The following RANBP17 variants were observed in gnomAD, a reference collection of about 807,000 sequenced individuals.
The protein encoded by RANBP17 is RAN binding protein 17.
Under a neutral mutation model 141.2 loss-of-function variants are expected in RANBP17, and 158 were observed. The ratio of observed to expected loss-of-function variants is 1.12; its 90% CI spans 0.98 to 1.28. The LOEUF (loss-of-function observed/expected upper bound fraction) is 1.28, where lower values mean the gene tolerates loss of function less well. Ranked by LOEUF, RANBP17 falls within the 50% of genes most tolerant of loss-of-function variation. The pLI is 0.00. For missense variants in RANBP17, 1,438 were observed against 1,290.7 expected, an observed-to-expected ratio of 1.11 and a Z score of -1.75; for synonymous variants, 430 against 450.0, an observed-to-expected ratio of 0.96 and a Z score of 0.56.
intron 1 of RANBP17, among the ~76,000 whole-genome samples, chr5:170,874,916 A>T (rs1352994551): frequency 6.6e-6 from 1 of 152,064 alleles, no homozygotes; most frequent in Non-Finnish European, 1.5e-5. Context: ...CAGCTTCTTC[A>T]TGGTGTCCTT....
At chr5:170,874,249 C>T (rs572259397) in intron 1 of RANBP17, among the ~76,000 whole-genome samples, 63 of 152,256 alleles carry the variant, frequency 4.1e-4, no homozygotes, top group African/African-American at 1.5e-3. Context: ...TGCTTTACTT[C>T]CAGTTATGTG....
chr5:170,965,962 G>A (rs1167431016), intron 13 of RANBP17, among the ~76,000 whole-genome samples: 2 of 152,084 alleles, frequency 1.3e-5, no homozygotes, highest in Non-Finnish European at 2.9e-5. Context: ...TGATGGGGAT[G>A]GCATTGAATC....
intron 9 of RANBP17, among the ~76,000 whole-genome samples, 164 bp downstream of exon 9, chr5:170,916,748 C>G (rs1170355238): frequency 1.4e-5 from 2 of 143,536 alleles, no homozygotes; most frequent in Non-Finnish European, 3.0e-5. Context: ...TCAAGTCTTG[C>G]TCTGTTGCCC....
chr5:171,213,470 G>A (rs1373611636), intron 20 of RANBP17, among the ~76,000 whole-genome samples, 161 bp from the exon 21 acceptor site: 4 of 152,134 alleles, frequency 2.6e-5, no homozygotes, highest in South Asian at 2.1e-4. Flanking sequence ...GTTAGGGAGC[G>A]CAATTTATAA....
At chr5:171,159,657 C>A (rs1223496740) in intron 14 of RANBP17, among the ~76,000 whole-genome samples, 1 of 152,126 alleles carries the variant, frequency 6.6e-6, no homozygotes, top group East Asian at 1.9e-4. Context: ...CACAGTGGCT[C>A]ACGCCTATAA....
At chr5:171,123,583 T>C (rs1756204184) in intron 14 of RANBP17, among the ~76,000 whole-genome samples, 1 of 152,254 alleles carries the variant, frequency 6.6e-6, no homozygotes, top group Non-Finnish European at 1.5e-5. Flanking sequence ...AGGACTGGCC[T>C]GTCAGTACCT....
At chr5:170,936,260 C>A (rs141964301) in intron 12 of RANBP17, among the ~76,000 whole-genome samples, 1 of 152,052 alleles carries the variant, frequency 6.6e-6, no homozygotes, top group Admixed American at 6.5e-5. Flanking sequence ...GGCAATGCCC[C>A]GCCGTGCTAG....
In RANBP17 at chr5:171,008,472, G is replaced by A. The variant is rs147692926; in HGVS notation, c.1710+40095G>A. Among the ~76,000 whole-genome samples the A allele has an allele frequency of 2.8e-3, 431 of 152,294 alleles. 4 individuals carry two copies. Among genetic ancestry groups the A allele is most frequent in the African/African-American group, 9.7e-3 (402 of 41,548 alleles). ...CAGGCTTTGTGTGAGCAACAAGACT[G>A]TTTATTTCACCTGGGTGCAGGCAGG... On this transcript the variant is annotated intron_variant, in intron 14 of 27. Coordinates refer to ENST00000523189, the MANE Select transcript of RANBP17 (RefSeq NM_022897.5).
At position 170,954,850 on chromosome 5, in the gene RANBP17, A is replaced by G. The variant is rs530386401; in HGVS notation, c.1574+1148A>G. ...CACACGGTGTTCTGAAAAAGGACCA[A>G]TGTATCCTCTGAACCAAGGGTCCCC... On this transcript the variant is annotated intron_variant, in intron 13 of 27. Coordinates refer to ENST00000523189, the MANE Select transcript of RANBP17 (RefSeq NM_022897.5). Among the ~76,000 whole-genome samples, 5 of 152,252 alleles carry G rather than the reference A, an allele frequency of 3.3e-5. No homozygotes were observed. In the East Asian group the frequency reaches 7.7e-4, roughly 24 times the overall value.
At chr5:170,977,030 A>G (rs563564094) in intron 14 of RANBP17, among the ~76,000 whole-genome samples, 1 of 152,264 alleles carries the variant, frequency 6.6e-6, no homozygotes, top group South Asian at 2.1e-4. Context: ...ACTTCAGAGG[A>G]CATCATCAAG....
intron 14 of RANBP17, among the ~76,000 whole-genome samples, chr5:171,046,426 T>C (rs928424482): frequency 2.0e-5 from 3 of 152,106 alleles, no homozygotes; most frequent in African/African-American, 7.2e-5. Context: ...GGCAGGATGG[T>C]CTTGATGTCT....
chr5:170,875,667 G>A (rs1435461563), intron 1 of RANBP17, among the ~76,000 whole-genome samples: 1 of 147,392 alleles, frequency 6.8e-6, no homozygotes, highest in Non-Finnish European at 1.5e-5. Flanking sequence ...GGTTATTTAT[G>A]TTCCTCTCTC....
chr5:170,909,969 C>G (rs888649499), intron 6 of RANBP17: 1 of 384,796 alleles, frequency 2.6e-6, no homozygotes, highest in Non-Finnish European at 4.6e-6. Flanking sequence ...AAGGTGAAAT[C>G]CAAAGGGAAT....
chr5:170,937,569 A>G (rs1773981866), intron 12 of RANBP17, among the ~76,000 whole-genome samples: 1 of 152,184 alleles, frequency 6.6e-6, no homozygotes, highest in Non-Finnish European at 1.5e-5. Context: ...AATTAGAAAA[A>G]TGTTCCATTT....
chr5:170,903,934 T>C, intron 5 of RANBP17: 1 of 525,980 alleles, frequency 1.9e-6, no homozygotes, highest in South Asian at 1.5e-5. Flanking sequence ...CTTCATTATC[T>C]TGTATCAAGC....
intron 19 of RANBP17, among the ~76,000 whole-genome samples, chr5:171,202,682 C>T (rs2127957356): frequency 6.6e-6 from 1 of 152,112 alleles, no homozygotes; most frequent in South Asian, 2.1e-4. Flanking sequence ...AGTTGAAACA[C>T]CTTGGGGCCT....
At chr5:170,986,273 C>T (rs1778134406) in intron 14 of RANBP17, among the ~76,000 whole-genome samples, 1 of 152,002 alleles carries the variant, frequency 6.6e-6, no homozygotes, top group Non-Finnish European at 1.5e-5. Context: ...CTGTGGCTCT[C>T]AGTACCTGAG....
At chr5:170,936,295 A>C (rs962645465) in intron 12 of RANBP17, among the ~76,000 whole-genome samples, 5 of 152,178 alleles carry the variant, frequency 3.3e-5, no homozygotes, top group Non-Finnish European at 7.4e-5. Context: ...CTTGTTTGGC[A>C]AGCCCTAGTG....
intron 14 of RANBP17, among the ~76,000 whole-genome samples, chr5:171,088,433 T>A (rs1785880621): frequency 6.6e-6 from 1 of 152,194 alleles, no homozygotes; most frequent in Non-Finnish European, 1.5e-5. Context: ...ATGTGACAAT[T>A]ATGTGTCTTG....
Sources: allele counts gnomAD v4.1 joint callset (sites outside exome capture counted in the v4.1 genomes callset), GRCh38; gene constraint gnomAD v4.1.1; transcripts MANE v1.5; gene names NCBI Gene and HGNC (gene_info 2026-07-23, HGNC 2026-07-21).